Variants in PKP1 observed in about 807,000 individuals in gnomAD.
PKP1 encodes plakophilin 1, also known as plakophilin-1.
Under a neutral mutation model 76.4 loss-of-function variants are expected in PKP1, and 27 were observed. That is an observed-to-expected ratio of 0.35 (90% CI 0.26 to 0.49). The LOEUF (loss-of-function observed/expected upper bound fraction) is 0.49, where lower values mean the gene tolerates loss of function less well. Among genes scored for constraint, PKP1 ranks in the 20% least tolerant of loss-of-function variants. The pLI, the probability that PKP1 is intolerant of heterozygous loss-of-function variation, is 0.99. For missense variants in PKP1, 964 were observed against 955.2 expected (o/e 1.01, Z -0.12); for synonymous variants, 404 against 384.2 (o/e 1.05, Z -0.60).
At chr1:201,303,735 T>C (rs1390933937) in intron 2 of PKP1, among the ~76,000 whole-genome samples, 2 of 152,236 alleles carry the variant, frequency 1.3e-5, no homozygotes, top group East Asian at 3.9e-4. Flanking sequence ...AAGTCCTTTC[T>C]ATGAGTTTCA....
chr1:201,325,134 G>C lies in PKP1; in HGVS notation c.2021+7G>C, dbSNP rs762058312. ...TCAACCTGTGCCGAAGCAGGTGGGC[G>C]GGGGGTTGCTCCCACGGGCTGCACC... On this transcript the variant is annotated splice_region_variant and intron_variant, in intron 11 of 13. Coordinates refer to ENST00000367324, the MANE Select transcript of PKP1 (RefSeq NM_001005337.3). 2 of 1,612,472 alleles carry C rather than the reference G, an allele frequency of 1.2e-6. No homozygotes were observed. Among genetic ancestry groups the C allele is most frequent in the South Asian group, 2.2e-5 (2 of 90,954 alleles).
In PKP1 at chr1:201,317,486, GA is replaced by G. The variant is rs11336457; in HGVS notation, c.847-76del. The G allele has an allele frequency of 0.88, 1,006,620 of 1,147,156 alleles. 446,556 individuals are homozygous for G. The highest frequency in any genetic ancestry group is 0.97 in the East Asian group (38,521 of 39,566). 71.1% of individuals were successfully genotyped at this position (1,147,156 alleles called of 1,614,324 possible). On this transcript the variant is annotated intron_variant, in intron 4 of 13. Transcript: ENST00000367324. ...TCTGAACTGATAGATTTTTTGGTCT[GA>G]AAAAAAAAATCACCTTTGAGTAGAG...
chr1:201,305,400 C>T (rs902624154), intron 2 of PKP1, among the ~76,000 whole-genome samples: 3 of 152,136 alleles, frequency 2.0e-5, no homozygotes, highest in Admixed American at 6.5e-5. Context: ...ACCTGTGGTC[C>T]CATCTGCTTG....
intron 1 of PKP1, among the ~76,000 whole-genome samples, chr1:201,291,515 G>A (rs555782433): frequency 1.3e-5 from 2 of 152,246 alleles, no homozygotes; most frequent in East Asian, 1.9e-4. Flanking sequence ...GAGATGGTTA[G>A]TCTGATGACC....
Position 201,283,582 on chromosome 1 carries a change from A to G in PKP1, c.-121A>G. 1.1e-6 allele frequency: 1 copy of G among 887,734 alleles called. No individual in the cohort carries two copies. Among genetic ancestry groups the G allele is most frequent in the Non-Finnish European group, 1.8e-6 (1 of 553,658 alleles). The allele number at this position is 887,734 out of a possible 1,614,324, so 55.0% of individuals were successfully genotyped here. A position where few individuals can be genotyped will look rare whatever the true frequency, so the allele number is the denominator to read the frequency against. On this transcript the variant is annotated 5_prime_UTR_variant, in exon 1 of 14. An upstream start codon of the reference 5' UTR is lost. Transcript: ENST00000367324. ...AGCCCTCACGCGGACCACGCACTCT[A>G]TGGCCGTAGGGAGCCGCTGAGAGCG...
intron 1 of PKP1, among the ~76,000 whole-genome samples, chr1:201,288,636 TAC>T (rs139258774): frequency 1.3e-5 from 2 of 151,486 alleles, no homozygotes; most frequent in Admixed American, 6.6e-5. Flanking sequence ...CTTTCTCTCA[TAC>T]ACACACACAC....
rs936582829 is a variant in PKP1, at chr1:201,330,882, C to G, written c.*841C>G. 6.6e-6 allele frequency: 1 copy of G among 152,290 alleles called. No homozygotes were observed. The highest frequency in any genetic ancestry group is 1.5e-5 in the Non-Finnish European group (1 of 68,062). The allele number at this position is 152,290 out of a possible 1,614,324, so 9.4% of individuals were successfully genotyped here. ...CCACCCTCTTGGGCTGTGTGCCCAT[C>G]AGAGCAGGCTCAGCCTGCAAAGGCC... On this transcript the variant is annotated 3_prime_UTR_variant, in exon 14 of 14. Coordinates refer to ENST00000367324, the MANE Select transcript of PKP1 (RefSeq NM_001005337.3).
rs1246973142 is a variant in PKP1 at position 201,332,646 on chromosome 1, C to G, written c.*2605C>G. The stretch of plus-strand genomic sequence containing the variant: ...CCTGTGCTAGCGGCCAATGACAAAT[C>G]CAGTCATTGGCCACCAGCCACCTCT... On this transcript the variant is annotated 3_prime_UTR_variant, in exon 14 of 14. Transcript: ENST00000367324. 1 of 152,248 alleles carries G rather than the reference C, an allele frequency of 6.6e-6. No individual in the cohort carries two copies. The highest frequency in any genetic ancestry group is 1.5e-5 in the Non-Finnish European group (1 of 68,040). 9.4% of individuals were successfully genotyped at this position (152,248 alleles called of 1,614,324 possible).
intron 8 of PKP1, 130 bp from the exon 9 acceptor site, chr1:201,322,883 G>A: frequency 1.1e-6 from 1 of 906,492 alleles, no homozygotes; most frequent in Non-Finnish European, 1.7e-6. Context: ...CCCTGCCTCT[G>A]CAGGCGCTTC....
chr1:201,309,799 G>A (rs537225116), intron 2 of PKP1, among the ~76,000 whole-genome samples: 1 of 152,328 alleles, frequency 6.6e-6, no homozygotes, highest in African/African-American at 2.4e-5. Context: ...GGCATTACTA[G>A]CATTTAGAAC....
chr1:201,325,388 G>A (rs1345115682), intron 11 of PKP1, among the ~76,000 whole-genome samples: 2 of 152,234 alleles, frequency 1.3e-5, no homozygotes, highest in East Asian at 3.9e-4. Context: ...GGGGCACAAG[G>A]TCCTCAGAGG....
At position 201,288,343 on chromosome 1, in the gene PKP1, C is replaced by T. The variant is rs111822165; in HGVS notation, c.202+4439C>T. ...GGCATGCCACTCATCGTGTCTCTCT[C>T]GTAAACATCCTAACATATTAAAAAG... On this transcript the variant is annotated intron_variant, in intron 1 of 13. Coordinates refer to ENST00000367324, the MANE Select transcript of PKP1 (RefSeq NM_001005337.3). 7.3e-3 allele frequency among the ~76,000 whole-genome samples: 1,109 copies of T among 152,296 alleles called. 17 individuals carry two copies. Among genetic ancestry groups the T allele is most frequent in the African/African-American group, 0.022 (926 of 41,562 alleles).
chr1:201,326,165 T>G (rs957563572), intron 12 of PKP1, among the ~76,000 whole-genome samples: 1 of 152,208 alleles, frequency 6.6e-6, no homozygotes, highest in Non-Finnish European at 1.5e-5. Flanking sequence ...GGCATGGGGT[T>G]CACTCCAGCT....
chr1:201,317,706 G>A lies in PKP1; in HGVS notation c.981G>A (p.Arg327=), dbSNP rs139437589. 7.8e-5 allele frequency: 126 copies of A among 1,613,898 alleles called. No individual in the cohort carries two copies. In the Admixed American group the frequency reaches 1.2e-3, roughly 16 times the overall value. The part of the protein sequence containing the change: ...RSTTNKLETR[R]QNGIREAVSL... Reference sequence around the variant, plus strand: ...CCACCAACAAGCTGGAGACCCGGAGGCAGAATGGGATCCGCGAGGCAGTCA... The same window carrying A: ...CCACCAACAAGCTGGAGACCCGGAGACAGAATGGGATCCGCGAGGCAGTCA... The change falls in exon 5 of 14, where the codon AGG becomes AGA. Residue 327 remains arginine (R), a synonymous_variant. Transcript: ENST00000367324.
At chr1:201,287,322 G>A (rs537696703) in intron 1 of PKP1, among the ~76,000 whole-genome samples, 3 of 152,244 alleles carry the variant, frequency 2.0e-5, no homozygotes, top group Non-Finnish European at 2.9e-5. Context: ...TACGAACTCC[G>A]CAGCCTGCAC....
chr1:201,319,859 A>G, intron 6 of PKP1: 1 of 1,614,094 alleles, frequency 6.2e-7, no homozygotes, highest in Non-Finnish European at 8.5e-7. Flanking sequence ...TGTTCCGCAA[A>G]GGGCCACTAG....
At chr1:201,286,253 A>G (rs1558181163) in intron 1 of PKP1, among the ~76,000 whole-genome samples, 1 of 152,086 alleles carries the variant, frequency 6.6e-6, no homozygotes, top group Non-Finnish European at 1.5e-5. Flanking sequence ...GGACAGATTC[A>G]GGTTCTTGTT....
chr1:201,321,975 C>A lies in PKP1; in HGVS notation c.1348-3C>A. 1 of 1,614,080 alleles carries A rather than the reference C, an allele frequency of 6.2e-7. No individual in the cohort carries two copies. The highest frequency in any genetic ancestry group is 8.5e-7 in the Non-Finnish European group (1 of 1,180,010). ...CAGGCCCATGCCTCTCCTTGGTCCCCAGTCTGTGGAAAACTGCATGTGTGT... is the reference window on the plus strand; with the variant it reads ...CAGGCCCATGCCTCTCCTTGGTCCCAAGTCTGTGGAAAACTGCATGTGTGT... On this transcript the variant is annotated splice_region_variant and splice_polypyrimidine_tract_variant and intron_variant, in intron 7 of 13. Transcript: ENST00000367324.
At chr1:201,307,002 G>A (rs1406302547) in intron 2 of PKP1, among the ~76,000 whole-genome samples, 1 of 152,160 alleles carries the variant, frequency 6.6e-6, no homozygotes, top group Non-Finnish European at 1.5e-5. Context: ...AATTCAGGTG[G>A]CAACATGTAC....
Sources: allele counts gnomAD v4.1 joint callset (sites outside exome capture counted in the v4.1 genomes callset), GRCh38; gene constraint gnomAD v4.1.1; transcripts MANE v1.5; gene names NCBI Gene and HGNC (gene_info 2026-07-23, HGNC 2026-07-21).